FYCO1: variants seen among roughly 807,000 people sequenced by gnomAD.
FYCO1 encodes the protein FYVE and coiled-coil domain-containing protein 1.
FYCO1 carries 122 observed loss-of-function variants against 165.1 expected under a neutral mutation model. The ratio of observed to expected loss-of-function variants is 0.74; its 90% CI spans 0.64 to 0.86. The LOEUF (loss-of-function observed/expected upper bound fraction) is 0.86, where lower values mean the gene tolerates loss of function less well. Ranked by LOEUF, FYCO1 falls within the 40% of genes least tolerant of loss-of-function variation. The pLI, the probability that FYCO1 is intolerant of heterozygous loss-of-function variation, is 0.00. For missense variants in FYCO1, 1,702 were observed against 1,810.3 expected (o/e 0.94, Z 1.09); for synonymous variants, 648 against 742.5 (o/e 0.87, Z 2.07).
rs1703100653 is a variant in FYCO1, at chr3:45,921,732, T to G, written c.*33A>C. The stretch of plus-strand genomic sequence containing the variant: ...ACAGGTGAGGAAGAGCAGTGTTTCC[T>G]GTGGATGAAGTGAAGTTACTGAGGT... On this transcript the variant is annotated 3_prime_UTR_variant, in exon 18 of 18. Transcript: ENST00000296137. 7.2e-7 allele frequency: 1 copy of G among 1,386,868 alleles called. No homozygotes were observed. The highest frequency in any genetic ancestry group is 1.7e-5 in the Admixed American group (1 of 59,754). The allele number at this position is 1,386,868 out of a possible 1,614,324, so 85.9% of individuals were successfully genotyped here.
chr3:45,971,338 A>G (rs543442292), intron 6 of FYCO1, among the ~76,000 whole-genome samples: 47 of 152,356 alleles, frequency 3.1e-4, no homozygotes, highest in Non-Finnish European at 5.7e-4. Context: ...TAACTGCTTC[A>G]GGCAAGAATG....
intron 16 of FYCO1, among the ~76,000 whole-genome samples, chr3:45,928,593 T>C (rs929014882): frequency 6.6e-6 from 1 of 152,210 alleles, no homozygotes; most frequent in Non-Finnish European, 1.5e-5. Flanking sequence ...GGGGCTGGCC[T>C]TCTGCTGTGC....
intron 14 of FYCO1, chr3:45,938,224 T>C (rs1221460584): frequency 7.8e-7 from 1 of 1,289,226 alleles, no homozygotes; most frequent in Admixed American, 2.3e-5. Flanking sequence ...CAGAGCAGGT[T>C]TCCCAGACCC....
rs749304983 is a variant in FYCO1 at position 45,966,879 on chromosome 3, C to T, written c.2455G>A (p.Val819Ile). 77 of 1,613,162 alleles carry T rather than the reference C, an allele frequency of 4.8e-5. No homozygotes were observed. The highest frequency in any genetic ancestry group is 9.3e-5 in the African/African-American group (7 of 74,942). ...ACAAGGGTTTTGTGCTCCCTCAGGA[C>T]GGCCTCAGCCATGCTTAGCTGGCTC... Reference protein sequence around the residue: ...VQSQLSMAEAVLREHKTLVQQ... With the variant: ...VQSQLSMAEAILREHKTLVQQ... Residue 819 changes from valine to isoleucine, a missense_variant, in exon 8 of 18, where the codon GTC (valine) becomes ATC (isoleucine). Coordinates refer to ENST00000296137, the MANE Select transcript of FYCO1 (RefSeq NM_024513.4).
At chr3:45,938,882 T>C (rs1704045405) in intron 14 of FYCO1, among the ~76,000 whole-genome samples, 2 of 152,212 alleles carry the variant, frequency 1.3e-5, no homozygotes, top group Non-Finnish European at 2.9e-5. Context: ...TTGTAGGAAA[T>C]GTTCAAGCAA....
chr3:45,966,697 C>T lies in FYCO1; in HGVS notation c.2637G>A (p.Gln879=). Residue 879 remains glutamine, a synonymous_variant, in exon 8 of 18, where the codon CAG becomes CAA. Transcript: ENST00000296137. The part of the protein sequence containing the change: ...ELRALQEELS[Q]AKCSSEEAQL... Reference sequence around the variant, plus strand: ...GTGCTTCCTCGGAGCTGCATTTGGCCTGGGACAGCTCCTCCTGCAGGGCCC... The same window carrying T: ...GTGCTTCCTCGGAGCTGCATTTGGCTTGGGACAGCTCCTCCTGCAGGGCCC... The T allele has an allele frequency of 6.2e-7, 1 of 1,613,682 alleles. No individual in the cohort carries two copies.
rs558504543 is a variant in FYCO1, at chr3:45,938,144, C to T, written c.3945-1601G>A. 1.1e-4 allele frequency: 125 copies of T among 1,093,918 alleles called. No individual in the cohort carries two copies. The African/African-American group carries it at 1.8e-3, about 16-fold the overall frequency. 67.8% of individuals were successfully genotyped at this position (1,093,918 alleles called of 1,614,324 possible). Reference sequence around the variant, plus strand: ...GTCCTAATCTATAATTTCCTCTCTTCCTCCATCACCCTCCTCCCTGACCAC... The same window carrying T: ...GTCCTAATCTATAATTTCCTCTCTTTCTCCATCACCCTCCTCCCTGACCAC... On this transcript the variant is annotated intron_variant, in intron 14 of 17. Transcript: ENST00000296137.
intron 1 of FYCO1, among the ~76,000 whole-genome samples, chr3:45,987,787 G>A (rs1179494594): frequency 2.0e-5 from 3 of 152,212 alleles, no homozygotes; most frequent in Non-Finnish European, 2.9e-5. Context: ...TAACTCATCC[G>A]GGCTGCGGCC....
At position 45,921,629 on chromosome 3, in the gene FYCO1, C is replaced by T. The variant is rs755583446; in HGVS notation, c.*136G>A. On this transcript the variant is annotated 3_prime_UTR_variant, in exon 18 of 18. Transcript: ENST00000296137. ...TGCTGAGCACAAAGTCCTCCCCAGA[C>T]ACCGCCTCTGAGGGGCAGCCCAGGG... 1 of 709,838 alleles carries T rather than the reference C, an allele frequency of 1.4e-6. No individual in the cohort carries two copies. The highest frequency in any genetic ancestry group is 2.6e-6 in the Non-Finnish European group (1 of 387,144). The allele number at this position is 709,838 out of a possible 1,614,324, so 44.0% of individuals were successfully genotyped here. A position where few individuals can be genotyped will look rare whatever the true frequency, so the allele number is the denominator to read the frequency against.
chr3:45,955,760 A>G (rs1037957620), intron 13 of FYCO1, among the ~76,000 whole-genome samples: 1 of 152,256 alleles, frequency 6.6e-6, no homozygotes, highest in Admixed American at 6.5e-5. Flanking sequence ...TATGCCACTA[A>G]ATCCTTGCTC....
In FYCO1 at chr3:45,967,799, G is replaced by T; in HGVS notation, c.1535C>A (p.Thr512Asn). 6.2e-7 allele frequency: 1 copy of T among 1,613,948 alleles called. No homozygotes were observed. The highest frequency in any genetic ancestry group is 8.5e-7 in the Non-Finnish European group (1 of 1,180,026). The change falls in exon 8 of 18, where the codon ACC becomes AAC. Residue 512 changes from threonine (T) to asparagine (N), a missense_variant. Thr to Asn is a moderately conservative substitution (Grantham distance 65). Transcript: ENST00000296137. ...GGTCTCCAGGAACTGCAGCTGCCGG[G>T]TCAGAGACCTGACCTCCTGCTCCAG... Reference protein sequence around the residue: ...ELLEQEVRSLTRQLQFLETQL... With the variant: ...ELLEQEVRSLNRQLQFLETQL...
At chr3:45,947,079 T>G (rs1451242618) in intron 14 of FYCO1, 1 of 1,614,026 alleles carries the variant, frequency 6.2e-7, no homozygotes. Flanking sequence ...GACACTGGGG[T>G]TCTTCTTGCC....
At chr3:45,926,950 G>A (rs1703348711) in intron 16 of FYCO1, among the ~76,000 whole-genome samples, 1 of 131,798 alleles carries the variant, frequency 7.6e-6, no homozygotes, top group Non-Finnish European at 1.6e-5. Context: ...GGCAACAAGA[G>A]TGAAACTGTC....
intron 14 of FYCO1, among the ~76,000 whole-genome samples, chr3:45,943,016 A>G (rs2234352): frequency 0.014 from 2,117 of 152,290 alleles, 56 homozygotes; most frequent in African/African-American, 0.048. Flanking sequence ...GTTCTCATCT[A>G]TAAAGGCAGG....
At chr3:45,949,450 C>A (rs1002269257) in intron 14 of FYCO1, among the ~76,000 whole-genome samples, 1 of 152,190 alleles carries the variant, frequency 6.6e-6, no homozygotes, top group Non-Finnish European at 1.5e-5. Context: ...CAGGGCCCTG[C>A]AGCATTTCCA....
chr3:45,971,367 T>G (rs1706432743), intron 6 of FYCO1, among the ~76,000 whole-genome samples: 2 of 152,224 alleles, frequency 1.3e-5, no homozygotes, highest in African/African-American at 4.8e-5. Flanking sequence ...GTATTAAAAC[T>G]AATACAGGAC....
chr3:45,945,675 A>G (rs1372553227), intron 14 of FYCO1: 1 of 152,182 alleles, frequency 6.6e-6, no homozygotes, highest in Non-Finnish European at 1.5e-5. Context: ...AGTCTTCAGG[A>G]AATGAGGCTC....
intron 14 of FYCO1, among the ~76,000 whole-genome samples, chr3:45,954,025 C>G (rs1025360002): frequency 6.6e-6 from 1 of 152,200 alleles, no homozygotes; most frequent in Non-Finnish European, 1.5e-5. Context: ...ATCCAATCAC[C>G]AAACTGGAGA....
At chr3:45,954,768 A>T (rs1705218628) in intron 14 of FYCO1, among the ~76,000 whole-genome samples, 1 of 152,132 alleles carries the variant, frequency 6.6e-6, no homozygotes, top group African/African-American at 2.4e-5. Context: ...AGACTGAGAG[A>T]CATGGAGACA....
Sources: gnomAD v4.1 joint callset for allele counts (sites outside exome capture counted in the v4.1 genomes callset) on GRCh38, gnomAD v4.1.1 for gene constraint, MANE v1.5 for transcripts, NCBI Gene and HGNC (gene_info 2026-07-23, HGNC 2026-07-21) for gene names.